The following NXN variants were observed in gnomAD, a reference collection of about 807,000 sequenced individuals.
NXN encodes nucleoredoxin 1.
A neutral mutation model predicts 48.6 loss-of-function variants in NXN; 16 were observed. The ratio of observed to expected loss-of-function variants is 0.33; its 90% CI spans 0.22 to 0.50. The LOEUF is 0.50. NXN is among the 20% of genes least tolerant of loss of function. The pLI is 0.98. For missense variants in NXN, 492 were observed against 605.5 expected (o/e 0.81, Z 1.97); for synonymous variants, 281 against 269.6 (o/e 1.04, Z -0.41).
intron 1 of NXN, among the ~76,000 whole-genome samples, chr17:965,183 C>T (rs1300623507): frequency 6.6e-6 from 1 of 152,204 alleles, no homozygotes; most frequent in Non-Finnish European, 1.5e-5. Context: ...TCTCAGATTA[C>T]ATCCAAGAGG....
chr17:869,942 G>C (rs773780598), intron 1 of NXN, among the ~76,000 whole-genome samples: 1 of 152,190 alleles, frequency 6.6e-6, no homozygotes, highest in Non-Finnish European at 1.5e-5. Flanking sequence ...GGTGCCAGGC[G>C]CTTGGTGCTT....
At position 810,331 on chromosome 17, in the gene NXN, A is replaced by ACGTTACGAGTGCG. The variant is rs1491194139; in HGVS notation, c.821-5085_821-5084insCGCACTCGTAACG. Among the ~76,000 whole-genome samples the ACGTTACGAGTGCG allele has an allele frequency of 3.2e-4, 29 of 91,882 alleles. 4 individuals carry two copies. The highest frequency in any genetic ancestry group is 4.1e-4 in the East Asian group (1 of 2,442). 60.3% of individuals were successfully genotyped at this position (91,882 alleles called of 152,430 possible). ...TGAGTGGTGTGCACGTTACGAGTGC[A>ACGTTACGAGTGCG]TGTGAGTGGCGTGTACGTTAAGAGT... On this transcript the variant is annotated intron_variant, in intron 5 of 7. Coordinates refer to ENST00000336868, the MANE Select transcript of NXN (RefSeq NM_022463.5).
At chr17:898,125 G>GTC (rs1301632567) in intron 1 of NXN, among the ~76,000 whole-genome samples, 1 of 152,132 alleles carries the variant, frequency 6.6e-6, no homozygotes, top group Non-Finnish European at 1.5e-5. Context: ...CTTTGTTCCT[G>GTC]TCTTCATGGG....
chr17:896,840 A>G, intron 1 of NXN: 2 of 1,176,804 alleles, frequency 1.7e-6, no homozygotes, highest in Non-Finnish European at 2.2e-6. Flanking sequence ...GCTAAAATGG[A>G]CCACGCGGTC....
At position 956,342 on chromosome 17, in the gene NXN, G is replaced by A. The variant is rs777562683; in HGVS notation, c.360+22977C>T. ...TGCCCTCAGGAAACCATCGGGTCTC[G>A]TGGAACAGAACAGTGGTCACCGTCT... On this transcript the variant is annotated intron_variant, in intron 1 of 7. Transcript: ENST00000336868. The surrounding 1 kb of genome is among the most constrained non-coding windows in gnomAD (Gnocchi z 4.1). 5.6e-4 allele frequency among the ~76,000 whole-genome samples: 85 copies of A among 152,302 alleles called. 1 individual carries two copies. Among genetic ancestry groups the A allele is most frequent in the Admixed American group, 1.5e-3 (23 of 15,290 alleles).
chr17:930,802 G>A (rs962209479), intron 1 of NXN, among the ~76,000 whole-genome samples: 2 of 148,776 alleles, frequency 1.3e-5, no homozygotes, highest in Admixed American at 6.7e-5. Context: ...ACAGAATCTC[G>A]CTCTGGTTGC....
chr17:891,749 T>TGCACGACCCAA, intron 1 of NXN, among the ~76,000 whole-genome samples: 1 of 42,012 alleles, frequency 2.4e-5, no homozygotes, highest in Non-Finnish European at 4.8e-5. Flanking sequence ...GCACAGCCCA[T>TGCACGACCCAA]CAGGGAACCT....
chr17:802,440 C>T (rs964188471), intron 7 of NXN, among the ~76,000 whole-genome samples: 1 of 152,350 alleles, frequency 6.6e-6, no homozygotes, highest in Non-Finnish European at 1.5e-5. Flanking sequence ...GAGCCAGGAG[C>T]GAAGGAGACA....
rs941714739 is a variant in NXN at position 807,251 on chromosome 17, G to A, written c.821-2004C>T. On this transcript the variant is annotated intron_variant, in intron 5 of 7. Coordinates refer to ENST00000336868, the MANE Select transcript of NXN (RefSeq NM_022463.5). ...CACACACCCTTCTCAAAATCCCCCCGGCAAGGTCCTTCCTCAGAGTAGGGT... is the reference window on the plus strand; with the variant it reads ...CACACACCCTTCTCAAAATCCCCCCAGCAAGGTCCTTCCTCAGAGTAGGGT... 3.3e-5 allele frequency among the ~76,000 whole-genome samples: 5 copies of A among 152,256 alleles called. 1 individual carries two copies. The East Asian group carries it at 5.8e-4, about 18-fold the overall frequency.
intron 1 of NXN, among the ~76,000 whole-genome samples, chr17:946,379 G>A (rs903410474): frequency 2.6e-5 from 4 of 152,198 alleles, no homozygotes; most frequent in African/African-American, 9.7e-5. Context: ...ATGTTGGCCA[G>A]GATGGTCTTG....
At chr17:831,855 T>C (rs1355556833) in intron 1 of NXN, among the ~76,000 whole-genome samples, 5 of 150,298 alleles carry the variant, frequency 3.3e-5, no homozygotes, top group Non-Finnish European at 7.4e-5. Context: ...TGATTATTCT[T>C]TGAACCTGTT....
Position 917,126 on chromosome 17 carries a change from C to T in NXN, c.360+62193G>A, listed in dbSNP as rs1413793277. 6.6e-6 allele frequency among the ~76,000 whole-genome samples: 1 copy of T among 152,018 alleles called. No homozygotes were observed. Among genetic ancestry groups the T allele is most frequent in the Non-Finnish European group, 1.5e-5 (1 of 68,016 alleles). ...ACAAGATTCCCTGTTCCTAAGTGAA[C>T]CAAGGAATGAGGTGTTCCACGCCTG... On this transcript the variant is annotated intron_variant, in intron 1 of 7. Transcript: ENST00000336868. This position sits in a 1 kb window ranked among gnomAD's most constrained non-coding sequence, Gnocchi z 4.5.
rs1313511575 is a variant in NXN, at chr17:812,808, G to A, written c.820+6631C>T. On this transcript the variant is annotated intron_variant, in intron 5 of 7. Transcript: ENST00000336868. ...TGTGTGTAGGTGTGTGTGCGTGAGT[G>A]TAGGTGTGTGTGCGAGTGTGCATGT... 2.6e-5 allele frequency among the ~76,000 whole-genome samples: 4 copies of A among 151,530 alleles called. No individual in the cohort carries two copies. The East Asian group carries it at 5.8e-4, about 22-fold the overall frequency.
At chr17:973,650 G>C (rs2069419119) in intron 1 of NXN, among the ~76,000 whole-genome samples, 1 of 152,022 alleles carries the variant, frequency 6.6e-6, no homozygotes, top group South Asian at 2.1e-4. Flanking sequence ...TTTCTTCGCA[G>C]TTATAATCTC....
intron 1 of NXN, among the ~76,000 whole-genome samples, chr17:933,099 G>A (rs2068872084): frequency 6.6e-6 from 1 of 152,148 alleles, no homozygotes; most frequent in Admixed American, 6.5e-5. Context: ...GGGGCCACGA[G>A]GACCGAGAAA....
intron 1 of NXN, among the ~76,000 whole-genome samples, chr17:934,370 C>T (rs577782329): frequency 1.1e-4 from 17 of 151,256 alleles, no homozygotes; most frequent in African/African-American, 2.9e-4. Flanking sequence ...TGCGTGAACC[C>T]GGGAGATGGA....
chr17:919,887 C>T lies in NXN; in HGVS notation c.360+59432G>A, dbSNP rs958444058. 1.3e-5 allele frequency among the ~76,000 whole-genome samples: 2 copies of T among 152,142 alleles called. No individual in the cohort carries two copies. Among genetic ancestry groups the T allele is most frequent in the East Asian group, 1.9e-4 (1 of 5,192 alleles). ...CACCTCCCTCTTGTCACCTTGCAGA[C>T]TGGTATTCACTAACCCCCAGGCCAT... On this transcript the variant is annotated intron_variant, in intron 1 of 7. Coordinates refer to ENST00000336868, the MANE Select transcript of NXN (RefSeq NM_022463.5). The surrounding 1 kb of genome is among the most constrained non-coding windows in gnomAD (Gnocchi z 5.1).
At chr17:842,568 C>T in intron 1 of NXN, 1 of 985,458 alleles carries the variant, frequency 1.0e-6, no homozygotes, top group Non-Finnish European at 1.2e-6. Context: ...CATCCCGAGA[C>T]ACGTGGGGGC....
chr17:903,156 C>T (rs1242510660), intron 1 of NXN, among the ~76,000 whole-genome samples: 2 of 152,068 alleles, frequency 1.3e-5, no homozygotes, highest in African/African-American at 4.8e-5. Flanking sequence ...ATAAAAGCAG[C>T]TAACAGTTAT....
Sources: allele counts gnomAD v4.1 joint callset (sites outside exome capture counted in the v4.1 genomes callset), GRCh38; gene constraint gnomAD v4.1.1; non-coding constraint Gnocchi (gnomAD v3.1); transcripts MANE v1.5; gene names NCBI Gene and HGNC (gene_info 2026-07-23, HGNC 2026-07-21).